The following HTR2C variants were observed in gnomAD, a reference collection of about 807,000 sequenced individuals.
HTR2C encodes 5-hydroxytryptamine receptor 2C, also known as 5-hydroxytryptamine (serotonin) receptor 2C, G protein-coupled.
HTR2C carries 5 observed loss-of-function variants against 21.0 expected under a neutral mutation model. The observed-to-expected ratio is 0.24, with a 90% CI of 0.12 to 0.50. HTR2C has a LOEUF of 0.50. Among genes scored for constraint, HTR2C ranks in the 20% least tolerant of loss-of-function variants. The pLI, the probability that HTR2C is intolerant of heterozygous loss-of-function variation, is 0.98. For synonymous variants in HTR2C, 150 were observed against 145.3 expected (o/e 1.03, Z -0.23); for missense variants, 271 against 371.2 (o/e 0.73, Z 2.22).
rs782448583 is a variant in HTR2C, at chrX:114,905,306, A to G, written c.551-1283A>G. On this transcript the variant is annotated intron_variant, in intron 5 of 5. Coordinates refer to ENST00000276198, the MANE Select transcript of HTR2C (RefSeq NM_000868.4). Reference sequence around the variant, plus strand: ...CATGTCTGAGGAAGAAGACTTAAAGATCACTTTCAAAACACTCTCTTCTTT... The same window carrying G: ...CATGTCTGAGGAAGAAGACTTAAAGGTCACTTTCAAAACACTCTCTTCTTT... Among the ~76,000 whole-genome samples the G allele has an allele frequency of 6.2e-5, 7 of 112,049 alleles. No individual in the cohort carries two copies. The South Asian group carries it at 2.2e-3, about 36-fold the overall frequency.
At chrX:114,604,155 G>C (rs1928280768) in intron 1 of HTR2C, among the ~76,000 whole-genome samples, 1 of 108,865 alleles carries the variant, frequency 9.2e-6, no homozygotes, top group African/African-American at 3.3e-5. Flanking sequence ...TTAAGGTGGG[G>C]GGATACAAGA....
chrX:114,754,102 TA>T (rs1213685331), intron 4 of HTR2C, among the ~76,000 whole-genome samples: 2 of 111,155 alleles, frequency 1.8e-5, no homozygotes, highest in Non-Finnish European at 3.8e-5. Context: ...GGGCCCACCC[TA>T]ATAACCTCAT....
At chrX:114,847,171 A>G (rs1361852441) in intron 4 of HTR2C, among the ~76,000 whole-genome samples, 1 of 110,655 alleles carries the variant, frequency 9.0e-6, no homozygotes, top group Admixed American at 9.7e-5. Flanking sequence ...GTATGATTCT[A>G]TTTATATGAA....
intron 2 of HTR2C, among the ~76,000 whole-genome samples, chrX:114,704,337 A>T (rs1270419856): frequency 9.0e-6 from 1 of 111,611 alleles, no homozygotes; most frequent in African/African-American, 3.3e-5. Context: ...TGAATCCAGC[A>T]GCACATCAAA....
At chrX:114,780,255 C>T (rs1569493499) in intron 4 of HTR2C, among the ~76,000 whole-genome samples, 2 of 110,914 alleles carry the variant, frequency 1.8e-5, no homozygotes, top group Admixed American at 9.6e-5. Flanking sequence ...GAAACAACTG[C>T]GTGTATGTAT....
In HTR2C at chrX:114,584,901, G is replaced by A. The variant is rs373315562; in HGVS notation, c.-147+242G>A. 4.2e-4 allele frequency among the ~76,000 whole-genome samples: 45 copies of A among 106,601 alleles called. No individual in the cohort carries two copies. In the East Asian group the frequency reaches 0.012, roughly 28 times the overall value. 92.6% of individuals were successfully genotyped at this position (106,601 alleles called of 115,157 possible). On this transcript the variant is annotated intron_variant, in intron 1 of 5. Coordinates refer to ENST00000276198, the MANE Select transcript of HTR2C (RefSeq NM_000868.4). ...AGTCTCTAAGGGGATTGGGAGCGGG[G>A]GCTCGAGATGAAGACGCTGGGCGGA...
rs1406567250 is a variant in HTR2C at position 114,803,558 on chromosome X, T to C, written c.350-44445T>C. ...TTGAGAAGTGTCTGTTCATGTCCTT[T>C]GCCCACTTTTTGATGGGGTTGTTTG... On this transcript the variant is annotated intron_variant, in intron 4 of 5. Coordinates refer to ENST00000276198, the MANE Select transcript of HTR2C (RefSeq NM_000868.4). Among the ~76,000 whole-genome samples the C allele has an allele frequency of 1.2e-3, 122 of 105,441 alleles. 1 individual carries two copies. The highest frequency in any genetic ancestry group is 3.9e-3 in the African/African-American group (113 of 29,281). 91.6% of individuals were successfully genotyped at this position (105,441 alleles called of 115,157 possible).
At chrX:114,613,144 G>T (rs912046640) in intron 1 of HTR2C, among the ~76,000 whole-genome samples, 3 of 109,824 alleles carry the variant, frequency 2.7e-5, no homozygotes, top group Non-Finnish European at 3.8e-5. Context: ...TGATCATGTT[G>T]GCCAGGCTCG....
chrX:114,799,639 G>A (rs1556446281), intron 4 of HTR2C, among the ~76,000 whole-genome samples: 1 of 110,464 alleles, frequency 9.1e-6, no homozygotes, highest in Non-Finnish European at 1.9e-5. Context: ...ATAACCAGTA[G>A]TATAGACTTG....
chrX:114,740,983 T>C lies in HTR2C; in HGVS notation c.349+9376T>C, dbSNP rs781964631. 2.7e-5 allele frequency among the ~76,000 whole-genome samples: 3 copies of C among 111,399 alleles called. No homozygotes were observed. In the South Asian group the frequency reaches 1.1e-3, roughly 42 times the overall value. On this transcript the variant is annotated intron_variant, in intron 4 of 5. Coordinates refer to ENST00000276198, the MANE Select transcript of HTR2C (RefSeq NM_000868.4). ...CGAAAGGGGGAAGGAAATAATGAAC[T>C]CTACATCATTGGACTAATATTCATG...
chrX:114,794,602 C>T (rs1556444621), intron 4 of HTR2C, among the ~76,000 whole-genome samples: 2 of 96,838 alleles, frequency 2.1e-5, no homozygotes. Context: ...GTTCAATTCC[C>T]ACCTATGAGT....
intron 2 of HTR2C, among the ~76,000 whole-genome samples, chrX:114,630,043 A>G (rs1929546364): frequency 9.0e-6 from 1 of 111,705 alleles, no homozygotes; most frequent in African/African-American, 3.3e-5. Context: ...CAAGAGAAAA[A>G]AAAAAGAGGT....
rs193088887 is a variant in HTR2C at position 114,749,875 on chromosome X, A to G, written c.349+18268A>G. On this transcript the variant is annotated intron_variant, in intron 4 of 5. Coordinates refer to ENST00000276198, the MANE Select transcript of HTR2C (RefSeq NM_000868.4). ...GCCCCTTACCATTACATGATATTTC[A>G]ATATATATGTTTTCATTCGTAGAGC... Among the ~76,000 whole-genome samples, 89 of 112,356 alleles carry G rather than the reference A, an allele frequency of 7.9e-4. 1 individual carries two copies. The highest frequency in any genetic ancestry group is 6.1e-3 in the Admixed American group (65 of 10,582).
At chrX:114,898,875 G>C (rs926290726) in intron 5 of HTR2C, among the ~76,000 whole-genome samples, 4 of 111,485 alleles carry the variant, frequency 3.6e-5, no homozygotes, top group African/African-American at 1.3e-4. Flanking sequence ...TTGGCTATTT[G>C]GGCTCTTTTT....
chrX:114,632,279 G>A (rs782579889), intron 2 of HTR2C, among the ~76,000 whole-genome samples: 1 of 111,847 alleles, frequency 8.9e-6, no homozygotes, highest in Admixed American at 9.5e-5. Flanking sequence ...CTATTCTTGT[G>A]TTAAAATTAT....
At chrX:114,795,352 G>A (rs1483152365) in intron 4 of HTR2C, among the ~76,000 whole-genome samples, 2 of 110,664 alleles carry the variant, frequency 1.8e-5, no homozygotes, top group African/African-American at 3.3e-5. Context: ...TTGCTGTGCA[G>A]AAGCTCTTTA....
rs199946707 is a variant in HTR2C, at chrX:114,770,221, A to ATTGAGC, written c.349+38617_349+38622dup. ...CCTGAGTTTATCCTAATTGGTGTTC[A>ATTGAGC]TTGAGCTTTTTGATGTGTAAATTAG... On this transcript the variant is annotated intron_variant, in intron 4 of 5. Transcript: ENST00000276198. Among the ~76,000 whole-genome samples, 133 of 111,900 alleles carry ATTGAGC rather than the reference A, an allele frequency of 1.2e-3. 3 individuals are homozygous for ATTGAGC. In the East Asian group the frequency reaches 0.036, roughly 31 times the overall value.
rs139690375 is a variant in HTR2C, at chrX:114,863,234, G to A, written c.550+15031G>A. Among the ~76,000 whole-genome samples, 910 of 111,065 alleles carry A rather than the reference G, an allele frequency of 8.2e-3. 4 individuals are homozygous for A. The highest frequency in any genetic ancestry group is 0.013 in the Non-Finnish European group (704 of 52,701). ...AGCAATGGGAATGCTGGATTATGTG[G>A]TAGTTCTATTTTTAGTTCTTTCAGG... is the stretch of plus-strand genomic sequence containing the variant. On this transcript the variant is annotated intron_variant, in intron 5 of 5. Coordinates refer to ENST00000276198, the MANE Select transcript of HTR2C (RefSeq NM_000868.4).
chrX:114,682,428 G>A (rs1056346469), intron 2 of HTR2C, among the ~76,000 whole-genome samples: 1 of 110,651 alleles, frequency 9.0e-6, no homozygotes, highest in East Asian at 2.8e-4. Flanking sequence ...ATTGGTGGGC[G>A]GCAACACATT....
Sources: gnomAD v4.1 joint callset for allele counts (sites outside exome capture counted in the v4.1 genomes callset) on GRCh38, gnomAD v4.1.1 for gene constraint, MANE v1.5 for transcripts, NCBI Gene and HGNC (gene_info 2026-07-23, HGNC 2026-07-21) for gene names.